The following CNTNAP2 variants were observed in gnomAD, a reference collection of about 807,000 sequenced individuals.
The protein encoded by CNTNAP2 is contactin associated protein 2.
In CNTNAP2, 98 loss-of-function variants were observed where a neutral mutation model predicts 155.2. The observed-to-expected ratio is 0.63, with a 90% CI of 0.54 to 0.75. CNTNAP2 has a LOEUF of 0.75. CNTNAP2 is among the 30% of genes least tolerant of loss of function. The probability of loss-of-function intolerance (pLI) is 0.00; values close to 1 mark genes in which losing one functional copy is unlikely to be tolerated. For missense variants in CNTNAP2, 1,727 were observed against 1,688.1 expected (o/e 1.02, Z -0.40); for synonymous variants, 651 against 631.2 (o/e 1.03, Z -0.47).
intron 3 of CNTNAP2, among the ~76,000 whole-genome samples, chr7:146,947,571 ATATACATATATATATATATATATATATG>A (rs1462521140): frequency 3.9e-5 from 1 of 25,590 alleles, no homozygotes; most frequent in Non-Finnish European, 1.3e-4. Context: ...ATATATATAT[ATATACATATATATATATATATATATATG>A]TATATATCTT....
chr7:146,318,553 G>C (rs1800948437), intron 1 of CNTNAP2, among the ~76,000 whole-genome samples: 1 of 152,080 alleles, frequency 6.6e-6, no homozygotes, highest in African/African-American at 2.4e-5. Flanking sequence ...TAGAATGATT[G>C]TTCAACTTAA....
At chr7:146,174,377 C>T (rs980085497) in intron 1 of CNTNAP2, among the ~76,000 whole-genome samples, 2 of 152,076 alleles carry the variant, frequency 1.3e-5, no homozygotes, top group Non-Finnish European at 2.9e-5. Flanking sequence ...GCAGTGGCCA[C>T]ACCTGGCTAA....
chr7:146,984,640 G>A (rs1798084120), intron 3 of CNTNAP2, among the ~76,000 whole-genome samples: 1 of 152,016 alleles, frequency 6.6e-6, no homozygotes, highest in Non-Finnish European at 1.5e-5. Flanking sequence ...ACATCTCCAC[G>A]GCAAGGATTT....
chr7:146,893,453 G>T (rs1409260520), intron 3 of CNTNAP2, among the ~76,000 whole-genome samples: 1 of 140,540 alleles, frequency 7.1e-6, no homozygotes, highest in Admixed American at 7.1e-5. Context: ...GTATATATGT[G>T]TGTGTGTATA....
At chr7:148,304,123 A>C (rs990331547) in intron 21 of CNTNAP2, among the ~76,000 whole-genome samples, 5 of 152,180 alleles carry the variant, frequency 3.3e-5, no homozygotes, top group Non-Finnish European at 5.9e-5. Context: ...TTGGTTTTTA[A>C]CCAAAACTAA....
intron 21 of CNTNAP2, among the ~76,000 whole-genome samples, chr7:148,349,841 TACCTGAACAGAAGGAAA>T (rs1316740136): frequency 6.6e-6 from 1 of 152,206 alleles, no homozygotes; most frequent in Non-Finnish European, 1.5e-5. Flanking sequence ...GGCCGGCATT[TACCTGAACAGAAGGAAA>T]CCTTGATAAA....
At chr7:147,954,874 G>T (rs1195217608) in intron 14 of CNTNAP2, among the ~76,000 whole-genome samples, 1 of 152,116 alleles carries the variant, frequency 6.6e-6, no homozygotes, top group Non-Finnish European at 1.5e-5. Flanking sequence ...GTATAAAAAG[G>T]CTGAAAGATT....
intron 1 of CNTNAP2, among the ~76,000 whole-genome samples, chr7:146,312,013 A>C (rs1361409690): frequency 1.3e-5 from 2 of 152,188 alleles, no homozygotes; most frequent in Non-Finnish European, 2.9e-5. Context: ...AGTTTTTCTA[A>C]GGATTTTCAA....
At chr7:147,650,464 C>A (rs1795433108) in intron 13 of CNTNAP2, among the ~76,000 whole-genome samples, 1 of 152,156 alleles carries the variant, frequency 6.6e-6, no homozygotes, top group South Asian at 2.1e-4. Flanking sequence ...AACCCCTCCT[C>A]TTCCTCCTCC....
intron 11 of CNTNAP2, among the ~76,000 whole-genome samples, chr7:147,496,165 T>G (rs1798704387): frequency 6.7e-6 from 1 of 150,308 alleles, no homozygotes; most frequent in African/African-American, 2.4e-5. Flanking sequence ...CACAATGTCA[T>G]AATAATAGAA....
chr7:148,368,347 C>T (rs918114977), intron 21 of CNTNAP2, among the ~76,000 whole-genome samples: 6 of 152,162 alleles, frequency 3.9e-5, no homozygotes, highest in Admixed American at 3.3e-4. Context: ...GAGCCCCAGG[C>T]AGTTCTTAAC....
chr7:146,912,746 G>C lies in CNTNAP2; in HGVS notation c.402+72842G>C, dbSNP rs192907834. On this transcript the variant is annotated intron_variant, in intron 3 of 23. Transcript: ENST00000361727. The stretch of plus-strand genomic sequence containing the variant: ...TTTTTCTAGACTGTGAAAAACAAAG[G>C]CTTTAGTACTATTTATTTGACTGCG... Among the ~76,000 whole-genome samples the C allele has an allele frequency of 3.0e-3, 455 of 152,148 alleles. 4 individuals are homozygous for C. Among genetic ancestry groups the C allele is most frequent in the Non-Finnish European group, 5.1e-3 (347 of 67,980 alleles).
intron 13 of CNTNAP2, among the ~76,000 whole-genome samples, chr7:147,663,621 TG>T (rs1795650647): frequency 6.6e-6 from 1 of 152,244 alleles, no homozygotes; most frequent in South Asian, 2.1e-4. Flanking sequence ...TGTAGCAAAT[TG>T]TTTTCAGTTA....
chr7:148,155,933 A>G (rs1252603013), intron 17 of CNTNAP2, among the ~76,000 whole-genome samples: 4 of 152,194 alleles, frequency 2.6e-5, no homozygotes, highest in Non-Finnish European at 4.4e-5. Flanking sequence ...CACAACGTGC[A>G]GGAGAATCCA....
chr7:146,729,767 G>A (rs1471146169), intron 1 of CNTNAP2, among the ~76,000 whole-genome samples: 1 of 151,974 alleles, frequency 6.6e-6, no homozygotes, highest in Admixed American at 6.6e-5. Flanking sequence ...TGTGAAAGGA[G>A]CTACCTCTCT....
intron 1 of CNTNAP2, among the ~76,000 whole-genome samples, chr7:146,132,139 T>C (rs1327891064): frequency 2.0e-5 from 3 of 152,194 alleles, no homozygotes; most frequent in Non-Finnish European, 4.4e-5. Flanking sequence ...TCAGATTGTA[T>C]CTGAGATTAC....
At chr7:147,972,164 T>C (rs1801344488) in intron 14 of CNTNAP2, among the ~76,000 whole-genome samples, 1 of 152,238 alleles carries the variant, frequency 6.6e-6, no homozygotes, top group African/African-American at 2.4e-5. Flanking sequence ...ATGAGATATC[T>C]TCTGTAGCTA....
intron 1 of CNTNAP2, among the ~76,000 whole-genome samples, chr7:146,517,893 C>T (rs1026239598): frequency 1.3e-5 from 2 of 151,798 alleles, no homozygotes; most frequent in African/African-American, 4.8e-5. Context: ...TATATGAATG[C>T]GCCATGACTT....
intron 3 of CNTNAP2, among the ~76,000 whole-genome samples, chr7:147,015,879 C>G (rs571065395): frequency 2.0e-4 from 30 of 151,886 alleles, no homozygotes; most frequent in Non-Finnish European, 2.1e-4. Context: ...CAGTAAGAAC[C>G]GAGAAGGTAA....
Sources: allele counts gnomAD v4.1 joint callset (sites outside exome capture counted in the v4.1 genomes callset), GRCh38; gene constraint gnomAD v4.1.1; transcripts MANE v1.5; gene names NCBI Gene and HGNC (gene_info 2026-07-23, HGNC 2026-07-21).